The following RBM43 variants were observed in gnomAD, a reference collection of about 807,000 sequenced individuals.
The protein encoded by RBM43 is RNA binding motif protein 43.
A neutral mutation model predicts 12.4 loss-of-function variants in RBM43; 12 were observed. The ratio of observed to expected loss-of-function variants is 0.97; its 90% CI spans 0.62 to 1.57. RBM43 has a LOEUF of 1.57. Ranked by LOEUF, RBM43 falls within the 40% of genes most tolerant of loss-of-function variation. The pLI, the probability that RBM43 is intolerant of heterozygous loss-of-function variation, is 0.00. For synonymous variants in RBM43, 138 were observed against 145.7 expected (o/e 0.95, Z 0.38); for missense variants, 348 against 400.1 (o/e 0.87, Z 1.11).
At chr2:151,258,222 A>G (rs1682999034) in intron 1 of RBM43, among the ~76,000 whole-genome samples, 1 of 152,182 alleles carries the variant, frequency 6.6e-6, no homozygotes, top group African/African-American at 2.4e-5. Context: ...AAAGGGACCA[A>G]ACCAAGGGTT....
At chr2:151,252,915 T>C (rs550426947) in intron 2 of RBM43, 60 bp from the exon 3 acceptor site, 1 of 750,796 alleles carries the variant, frequency 1.3e-6, no homozygotes, top group Non-Finnish European at 2.2e-6. Context: ...AATTTTTTAA[T>C]AAAAATAGGC....
chr2:151,256,253 G>A (rs908310628), intron 1 of RBM43, among the ~76,000 whole-genome samples: 22 of 152,020 alleles, frequency 1.4e-4, no homozygotes, highest in African/African-American at 3.1e-4. Context: ...GAGCCACCAC[G>A]CCCAGCCACC....
Position 151,261,247 on chromosome 2 carries a change from T to A in RBM43, c.3+478A>T, listed in dbSNP as rs1683041596. On this transcript the variant is annotated intron_variant, in intron 1 of 3. Transcript: ENST00000331426. Reference sequence around the variant, plus strand: ...GAGGATGTCTTCCTGACTTGCGTCCTTGGCTCGAATCGTTCTTATTAGCCC... The same window carrying A: ...GAGGATGTCTTCCTGACTTGCGTCCATGGCTCGAATCGTTCTTATTAGCCC... 1.3e-5 allele frequency: 20 copies of A among 1,543,646 alleles called. No homozygotes were observed. In the South Asian group the frequency reaches 2.3e-4, roughly 17 times the overall value.
chr2:151,260,457 T>C (rs1683032278), intron 1 of RBM43, among the ~76,000 whole-genome samples: 2 of 152,174 alleles, frequency 1.3e-5, no homozygotes, highest in South Asian at 2.1e-4. Flanking sequence ...ACTCAGGAAA[T>C]CTTACTTCAG....
chr2:151,257,615 C>T (rs190999735), intron 1 of RBM43, among the ~76,000 whole-genome samples: 177 of 152,148 alleles, frequency 1.2e-3, no homozygotes, highest in Admixed American at 1.2e-3. Flanking sequence ...ATTGCTTGAA[C>T]CCAGGAGGCG....
At chr2:151,261,555 GGAC>G in intron 1 of RBM43, 167 bp downstream of exon 1, 1 of 1,543,822 alleles carries the variant, frequency 6.5e-7, no homozygotes. Flanking sequence ...CCGCCGGGGT[GGAC>G]GGCTCTCCGG....
At chr2:151,258,089 A>G (rs1359978906) in intron 1 of RBM43, among the ~76,000 whole-genome samples, 2 of 152,124 alleles carry the variant, frequency 1.3e-5, no homozygotes, top group African/African-American at 4.8e-5. Context: ...GAAAGAAAGA[A>G]AAAGAAAAGA....
Position 151,249,319 on chromosome 2 carries a change from C to G in RBM43, c.*1587G>C, listed in dbSNP as rs1682861003. ...GGTGATCTTTAGTATGTCCAACAAA[C>G]AAAGAGAAGGTTGAGGGTTTTATTT... On this transcript the variant is annotated 3_prime_UTR_variant, in exon 4 of 4. Coordinates refer to ENST00000331426, the MANE Select transcript of RBM43 (RefSeq NM_198557.3). 1 of 150,204 alleles carries G rather than the reference C, an allele frequency of 6.7e-6. No individual in the cohort carries two copies. The highest frequency in any genetic ancestry group is 2.5e-5 in the African/African-American group (1 of 40,766). The allele number at this position is 150,204 out of a possible 1,614,324, so 9.3% of individuals were successfully genotyped here. A position where few individuals can be genotyped will look rare whatever the true frequency, so the allele number is the denominator to read the frequency against.
intron 1 of RBM43, among the ~76,000 whole-genome samples, chr2:151,257,583 C>T (rs916733663): frequency 6.6e-6 from 1 of 152,088 alleles, no homozygotes; most frequent in Non-Finnish European, 1.5e-5. Flanking sequence ...ATCCCAGCTA[C>T]TCTGGAGGCT....
chr2:151,256,691 C>T (rs1239114388), intron 1 of RBM43, among the ~76,000 whole-genome samples: 3 of 152,112 alleles, frequency 2.0e-5, no homozygotes, highest in African/African-American at 4.8e-5. Flanking sequence ...TGATGGCGGG[C>T]GCCTGTAATC....
chr2:151,258,531 A>G (rs1683004388), intron 1 of RBM43, among the ~76,000 whole-genome samples: 2 of 151,868 alleles, frequency 1.3e-5, no homozygotes, highest in African/African-American at 4.8e-5. Flanking sequence ...CCTAGTCTCT[A>G]TCAAAAACAG....
intron 1 of RBM43, 30 bp downstream of exon 1, chr2:151,261,694 CA>C (rs1472290412): frequency 3.1e-6 from 5 of 1,593,202 alleles, no homozygotes; most frequent in Non-Finnish European, 4.3e-6. Flanking sequence ...CACGGACCTG[CA>C]CCGCAAAACC....
chr2:151,255,251 C>A (rs1456741696), intron 2 of RBM43, among the ~76,000 whole-genome samples: 1 of 151,996 alleles, frequency 6.6e-6, no homozygotes, highest in Non-Finnish European at 1.5e-5. Context: ...TCTGTCTCTA[C>A]TAAAAATAAA....
intron 3 of RBM43, 30 bp downstream of exon 3, chr2:151,252,725 T>TG: frequency 8.4e-7 from 1 of 1,193,838 alleles, no homozygotes; most frequent in Non-Finnish European, 1.2e-6. Context: ...GATACAGGAC[T>TG]ATCAGTACAC....
intron 1 of RBM43, among the ~76,000 whole-genome samples, chr2:151,256,234 T>C (rs952569854): frequency 6.6e-6 from 1 of 152,200 alleles, no homozygotes; most frequent in Non-Finnish European, 1.5e-5. Flanking sequence ...GTGCTGGGAT[T>C]ACAGGCATGA....
chr2:151,261,149 C>T, intron 1 of RBM43: 2 of 1,326,660 alleles, frequency 1.5e-6, no homozygotes, highest in Non-Finnish European at 2.0e-6. Flanking sequence ...TTGATGGAAA[C>T]AAAACAAAAC....
At chr2:151,257,427 C>G (rs544172853) in intron 1 of RBM43, among the ~76,000 whole-genome samples, 1 of 152,326 alleles carries the variant, frequency 6.6e-6, no homozygotes, top group South Asian at 2.1e-4. Flanking sequence ...CACGGTGGCT[C>G]ACACCTGTAA....
chr2:151,260,996 T>C (rs1683038519), intron 1 of RBM43: 1 of 412,846 alleles, frequency 2.4e-6, no homozygotes, highest in African/African-American at 2.0e-5. Flanking sequence ...TTGTTTATAT[T>C]GATTTTCTCA....
intron 1 of RBM43, chr2:151,261,137 G>A (rs528566985): frequency 1.6e-6 from 2 of 1,226,890 alleles, no homozygotes; most frequent in African/African-American, 3.0e-5. Flanking sequence ...GCTTTTAAGC[G>A]ATTGATGGAA....
Sources: gnomAD v4.1 joint callset for allele counts (sites outside exome capture counted in the v4.1 genomes callset) on GRCh38, gnomAD v4.1.1 for gene constraint, MANE v1.5 for transcripts, NCBI Gene and HGNC (gene_info 2026-07-23, HGNC 2026-07-21) for gene names.